Variants in ANO3 observed in about 807,000 individuals in gnomAD.
ANO3 encodes anoctamin 3, also known as anoctamin-3.
ANO3 carries 99 observed loss-of-function variants against 144.8 expected under a neutral mutation model. The ratio of observed to expected loss-of-function variants is 0.68; its 90% confidence interval spans 0.58 to 0.81. ANO3 has a LOEUF of 0.81. Among genes scored for constraint, ANO3 ranks in the 30% least tolerant of loss-of-function variants. The probability of loss-of-function intolerance (pLI) is 0.00; values close to 1 mark genes in which losing one functional copy is unlikely to be tolerated. For synonymous variants in ANO3, 414 were observed against 392.6 expected (o/e 1.05, Z -0.64); for missense variants, 905 against 1,202.2 (o/e 0.75, Z 3.66).
chr11:26,289,370 T>A (rs1388331185), intron 1 of ANO3, among the ~76,000 whole-genome samples: 1 of 151,384 alleles, frequency 6.6e-6, no homozygotes, highest in Non-Finnish European at 1.5e-5. Context: ...ATTGTGAATA[T>A]AAGTAATTTG....
At chr11:26,534,593 C>G in intron 9 of ANO3, 31 bp downstream of exon 9, 1 of 1,438,664 alleles carries the variant, frequency 7.0e-7, no homozygotes, top group Non-Finnish European at 9.7e-7. Flanking sequence ...CAGAGTAGAA[C>G]TTGCTGTTAC....
chr11:26,495,970 A>G (rs1860921375), intron 4 of ANO3, among the ~76,000 whole-genome samples: 2 of 152,216 alleles, frequency 1.3e-5, no homozygotes, highest in South Asian at 4.1e-4. Context: ...GCAGTTACTC[A>G]GTGCCAGAAA....
intron 24 of ANO3, among the ~76,000 whole-genome samples, chr11:26,651,066 C>T (rs71480138): frequency 0.073 from 11,096 of 151,872 alleles, 458 homozygotes; most frequent in Admixed American, 0.13. Context: ...AATTTTTTTT[C>T]TGATAAAAAT....
intron 1 of ANO3, among the ~76,000 whole-genome samples, chr11:26,279,418 G>A (rs1477172454): frequency 2.0e-5 from 3 of 152,018 alleles, no homozygotes; most frequent in East Asian, 1.9e-4. Flanking sequence ...ATACATAATT[G>A]TAAAGAACTT....
chr11:26,243,232 G>C (rs1199835594), intron 1 of ANO3, among the ~76,000 whole-genome samples: 1 of 152,048 alleles, frequency 6.6e-6, no homozygotes, highest in Non-Finnish European at 1.5e-5. Context: ...TTGTTGCCAG[G>C]CTGGGTATAA....
chr11:26,477,396 G>C (rs1016618714), intron 4 of ANO3, among the ~76,000 whole-genome samples: 1 of 151,964 alleles, frequency 6.6e-6, no homozygotes, highest in East Asian at 1.9e-4. Flanking sequence ...GAGTTTTCTC[G>C]ACCTGGAAAG....
intron 11 of ANO3, 55 bp from the exon 12 acceptor site, chr11:26,547,361 T>G: frequency 6.4e-7 from 1 of 1,555,030 alleles, no homozygotes; most frequent in Non-Finnish European, 8.8e-7. Context: ...CATCAATATT[T>G]GTAATATTGC....
intron 24 of ANO3, among the ~76,000 whole-genome samples, chr11:26,648,527 A>G (rs1853422771): frequency 6.6e-6 from 1 of 152,154 alleles, no homozygotes; most frequent in African/African-American, 2.4e-5. Context: ...GTAGATACCA[A>G]TAGTAACCTC....
At chr11:26,491,261 A>C (rs1037248673) in intron 4 of ANO3, among the ~76,000 whole-genome samples, 11 of 152,214 alleles carry the variant, frequency 7.2e-5, no homozygotes, top group African/African-American at 2.7e-4. Flanking sequence ...ATAAATTTTA[A>C]GAATGAATTA....
chr11:26,302,644 C>A (rs1235681513), intron 1 of ANO3, among the ~76,000 whole-genome samples: 1 of 152,022 alleles, frequency 6.6e-6, no homozygotes, highest in Non-Finnish European at 1.5e-5. Context: ...TAACAAAGTA[C>A]AAATGCATAA....
chr11:26,589,388 G>GA (rs562972285), intron 14 of ANO3, among the ~76,000 whole-genome samples: 4,585 of 144,000 alleles, frequency 0.032, 102 homozygotes, highest in Non-Finnish European at 0.051. Context: ...GAAAGAAGGA[G>GA]AAAAAACCTC....
chr11:26,380,181 G>A (rs1000240816), intron 1 of ANO3, among the ~76,000 whole-genome samples: 2 of 152,142 alleles, frequency 1.3e-5, no homozygotes, highest in Non-Finnish European at 2.9e-5. Flanking sequence ...ATTATTGGTT[G>A]TTATTATAGG....
chr11:26,502,849 G>GAAAAAAAA (rs397941347), intron 4 of ANO3, among the ~76,000 whole-genome samples: 2 of 77,748 alleles, frequency 2.6e-5, no homozygotes, highest in African/African-American at 4.6e-5. Context: ...AACATTCAGG[G>GAAAAAAAA]AAAAAAAAAA....
intron 1 of ANO3, among the ~76,000 whole-genome samples, chr11:26,355,155 C>A (rs1855746439): frequency 6.6e-6 from 1 of 151,886 alleles, no homozygotes; most frequent in African/African-American, 2.4e-5. Flanking sequence ...GGGCTCTTTT[C>A]TTGATCCCGT....
At chr11:26,321,486 T>C (rs1181533090) in intron 1 of ANO3, among the ~76,000 whole-genome samples, 1 of 152,114 alleles carries the variant, frequency 6.6e-6, no homozygotes, top group Non-Finnish European at 1.5e-5. Flanking sequence ...ATTTTACTCA[T>C]AAATCTTGGA....
At chr11:26,247,969 G>A (rs989465070) in intron 1 of ANO3, among the ~76,000 whole-genome samples, 1 of 151,694 alleles carries the variant, frequency 6.6e-6, no homozygotes, top group Non-Finnish European at 1.5e-5. Context: ...TTGACCTCGT[G>A]ATCCGCCCGC....
At chr11:26,436,906 G>C (rs1858316287) in intron 1 of ANO3, among the ~76,000 whole-genome samples, 1 of 152,176 alleles carries the variant, frequency 6.6e-6, no homozygotes, top group Non-Finnish European at 1.5e-5. Flanking sequence ...AAGCAGTCTG[G>C]TTGCTTCTTT....
chr11:26,622,593 G>A (rs1852451632), intron 17 of ANO3, among the ~76,000 whole-genome samples: 1 of 152,088 alleles, frequency 6.6e-6, no homozygotes, highest in African/African-American at 2.4e-5. Context: ...GTGTTAGAGT[G>A]AGACTTTGTC....
chr11:26,542,555 G>A (rs1429898385), intron 11 of ANO3, among the ~76,000 whole-genome samples: 6 of 150,846 alleles, frequency 4.0e-5, no homozygotes, highest in Admixed American at 1.3e-4. Context: ...TGTCCAAACC[G>A]AAAAAAAGAA....
Sources: allele counts gnomAD v4.1 joint callset (sites outside exome capture counted in the v4.1 genomes callset), GRCh38; gene constraint gnomAD v4.1.1; transcripts MANE v1.5; gene names NCBI Gene and HGNC (gene_info 2026-07-23, HGNC 2026-07-21).